CAPN12: variants seen among roughly 807,000 people sequenced by gnomAD.
The protein encoded by CAPN12 is calpain-12.
Under a neutral mutation model 95.0 loss-of-function variants are expected in CAPN12, and 107 were observed. The observed-to-expected ratio is 1.13, with a 90% confidence interval of 0.96 to 1.32. The LOEUF is 1.32. Ranked by LOEUF, CAPN12 falls within the 40% of genes most tolerant of loss-of-function variation. The pLI is 0.00. For synonymous variants in CAPN12, 505 were observed against 415.5 expected, an observed-to-expected ratio of 1.22 and a Z score of -2.62; for missense variants, 1,136 against 997.8, an observed-to-expected ratio of 1.14 and a Z score of -1.87.
Position 38,734,402 on chromosome 19 carries a change from C to T in CAPN12, c.1745-13G>A, listed in dbSNP as rs1208748339. 1.9e-6 allele frequency: 3 copies of T among 1,574,798 alleles called. No homozygotes were observed. The highest frequency in any genetic ancestry group is 2.6e-6 in the Non-Finnish European group (3 of 1,161,458). On this transcript the variant is annotated splice_polypyrimidine_tract_variant and intron_variant, in intron 15 of 20. Transcript: ENST00000328867. ...GTATGGGCCCTGGCTACAGGAAAAACAAAGTCAAACCACAGCACTTCCTGC... is the reference window on the plus strand; with the variant it reads ...GTATGGGCCCTGGCTACAGGAAAAATAAAGTCAAACCACAGCACTTCCTGC...
intron 16 of CAPN12, 33 bp from the exon 17 acceptor site, chr19:38,734,237 T>A: frequency 6.2e-7 from 1 of 1,612,046 alleles, no homozygotes; most frequent in South Asian, 1.1e-5. Flanking sequence ...CTGGTTAAGG[T>A]CAATCTCTCC....
At chr19:38,741,939 C>T (rs1356145942) in intron 3 of CAPN12, 29 bp from the exon 4 acceptor site, 23 of 1,609,076 alleles carry the variant, frequency 1.4e-5, no homozygotes, top group African/African-American at 5.3e-5. Context: ...GGGCCGGACT[C>T]GGCTTCCAAC....
At chr19:38,741,206 CTTAA>C (rs1970524940) in intron 4 of CAPN12, among the ~76,000 whole-genome samples, 1 of 152,026 alleles carries the variant, frequency 6.6e-6, no homozygotes, top group African/African-American at 2.4e-5. Flanking sequence ...TTTCAGGATC[CTTAA>C]GAATTATGAG....
chr19:38,736,836 C>T (rs1185584600), intron 10 of CAPN12: 2 of 587,790 alleles, frequency 3.4e-6, no homozygotes, highest in East Asian at 2.9e-5. Flanking sequence ...TAACCTCGTC[C>T]CTCTGTCTGT....
intron 5 of CAPN12, 37 bp from the exon 6 acceptor site, chr19:38,738,685 G>A (rs1488849840): frequency 1.2e-6 from 2 of 1,602,866 alleles, no homozygotes; most frequent in Admixed American, 3.3e-5. Context: ...CAAGGTAGGG[G>A]ACAGGAGGGC....
At chr19:38,733,058 A>C (rs1969746039) in intron 18 of CAPN12, 1 of 150,884 alleles carries the variant, frequency 6.6e-6, no homozygotes, top group African/African-American at 2.4e-5. Flanking sequence ...ACTAAGTGCT[A>C]TGCCCTGCAG....
Position 38,734,148 on chromosome 19 carries a change from C to G in CAPN12, c.1872G>C (p.Glu624Asp). 6.2e-7 allele frequency: 1 copy of G among 1,612,890 alleles called. No individual in the cohort carries two copies. The part of the protein sequence containing the change: ...HFQQLWGYLL[E>D]WQAIFNKFDE... ...GCCCAGTCTCCCACCTCACCTGCCA[C>G]TCCAGGAGGTAGCCCCAGAGCTGCT... Residue 624 changes from glutamate (E) to aspartate (D), a missense_variant, in exon 17 of 21, where the codon GAG (glutamate) becomes GAC (aspartate). By Grantham distance (45) the Glu-to-Asp change is conservative. Transcript: ENST00000328867.
chr19:38,740,235 T>G lies in CAPN12; in HGVS notation c.561-16A>C, dbSNP rs1355469470. On this transcript the variant is annotated splice_polypyrimidine_tract_variant and intron_variant, in intron 4 of 20. Coordinates refer to ENST00000328867, the MANE Select transcript of CAPN12 (RefSeq NM_144691.4). The stretch of plus-strand genomic sequence containing the variant: ...GCCGTGGAGCCTGTGGGGGCAGATC[T>G]GGGGTGAGGGTTGAGGCAAGTACAA... The G allele has an allele frequency of 6.3e-7, 1 of 1,586,660 alleles. No individual in the cohort carries two copies. Among genetic ancestry groups the G allele is most frequent in the Non-Finnish European group, 8.6e-7 (1 of 1,166,334 alleles).
In CAPN12 at chr19:38,736,331, C is replaced by G. The variant is rs1189888267; in HGVS notation, c.1375-13G>C. On this transcript the variant is annotated splice_polypyrimidine_tract_variant and intron_variant, in intron 11 of 20. Coordinates refer to ENST00000328867, the MANE Select transcript of CAPN12 (RefSeq NM_144691.4). ...AGAGGCCCAGCAGCTGGGGACGGGG[C>G]GGCATGACCACGGACCAGGCTCACC... 8.3e-6 allele frequency: 12 copies of G among 1,448,858 alleles called. No homozygotes were observed. The Admixed American group carries it at 2.1e-4, about 26-fold the overall frequency. 89.8% of individuals were successfully genotyped at this position (1,448,858 alleles called of 1,614,324 possible).
chr19:38,740,282 T>G, intron 4 of CAPN12, 63 bp from the exon 5 acceptor site: 1 of 1,453,892 alleles, frequency 6.9e-7, no homozygotes. Context: ...ACCCCTGCCC[T>G]GGGATCTGCA....
chr19:38,743,045 GAC>G lies in CAPN12; in HGVS notation c.293_294del (p.Cys98SerfsTer6), dbSNP rs1162027545. The G allele has an allele frequency of 4.3e-6, 7 of 1,613,964 alleles. No homozygotes were observed. Among genetic ancestry groups the G allele is most frequent in the Non-Finnish European group, 3.4e-6 (4 of 1,179,944 alleles). On this transcript the variant is annotated frameshift_variant, in exon 2 of 21. Coordinates refer to ENST00000328867, the MANE Select transcript of CAPN12 (RefSeq NM_144691.4). LOFTEE classifies it high-confidence loss of function. ...TTCAGGGTCTCACCCAGGCTCCCCT[GAC>G]ACACGTCTGTGCGGCTCATGTCTTC... ...ICEDMSRTDVCQGSLGNCWFL... is the reference protein window; with the variant it reads ...ICEDMSRTDVXQGSLGNCWFL...
At chr19:38,733,579 C>T in intron 18 of CAPN12, 124 bp downstream of exon 18, 3 of 840,992 alleles carry the variant, frequency 3.6e-6, no homozygotes, top group Non-Finnish European at 5.7e-6. Context: ...TGGCAACAAG[C>T]TAAGGTGTGG....
At position 38,736,169 on chromosome 19, in the gene CAPN12, G is replaced by A. The variant is rs1447832377; in HGVS notation, c.1524C>T (p.His508=). 4.6e-6 allele frequency: 7 copies of A among 1,513,522 alleles called. No homozygotes were observed. Among genetic ancestry groups the A allele is most frequent in the Middle Eastern group, 1.9e-4 (1 of 5,384 alleles). The allele number at this position is 1,513,522 out of a possible 1,614,324, so 93.8% of individuals were successfully genotyped here. ...GAGTGAAGTCAGCCTCGTCGCCGGC[G>A]TGGGCGGTGCTCGGCACCACCAGGT... The part of the protein sequence containing the change: ...GHYLVVPSTA[H]AGDEADFTLR... Residue 508 remains histidine, a synonymous_variant, in exon 12 of 21, where the codon CAC becomes CAT. Coordinates refer to ENST00000328867, the MANE Select transcript of CAPN12 (RefSeq NM_144691.4).
In CAPN12 at chr19:38,735,619, G is replaced by A. The variant is rs1262594733; in HGVS notation, c.1584-75C>T. Reference sequence around the variant, plus strand: ...GGCTGTGTGGGACGGGGTCTCAGGTGAGGAATCGCGTGGGGTCTAGGTAGG... The same window carrying A: ...GGCTGTGTGGGACGGGGTCTCAGGTAAGGAATCGCGTGGGGTCTAGGTAGG... On this transcript the variant is annotated intron_variant, in intron 12 of 20. Transcript: ENST00000328867. 7 of 1,488,134 alleles carry A rather than the reference G, an allele frequency of 4.7e-6. No homozygotes were observed. In the East Asian group the frequency reaches 7.3e-5, roughly 15 times the overall value. 92.2% of individuals were successfully genotyped at this position (1,488,134 alleles called of 1,614,324 possible).
intron 17 of CAPN12, 144 bp downstream of exon 17, chr19:38,733,998 A>G: frequency 1.1e-6 from 1 of 891,192 alleles, no homozygotes; most frequent in Non-Finnish European, 1.7e-6. Context: ...GGGTGGGGGC[A>G]GGGATATCCC....
At chr19:38,732,947 TGG>T (rs1448524964) in intron 18 of CAPN12, among the ~76,000 whole-genome samples, 24 of 152,336 alleles carry the variant, frequency 1.6e-4, no homozygotes, top group African/African-American at 5.8e-4. Context: ...GATGTTGTGC[TGG>T]GCTTGTTCCA....
In CAPN12 at chr19:38,730,613, TTAAGC is replaced by T. The variant is rs1007994674; in HGVS notation, c.*234_*238del. Reference sequence around the variant, plus strand: ...GAGCCAGGGCAGAGCTAGCACTGTCTTAAGCTGTCAACGTGGACTAGCTCGTGTCA... The same window carrying T: ...GAGCCAGGGCAGAGCTAGCACTGTCTTGTCAACGTGGACTAGCTCGTGTCA... On this transcript the variant is annotated 3_prime_UTR_variant, in exon 21 of 21. Transcript: ENST00000328867. The T allele has an allele frequency of 2.1e-4, 128 of 603,860 alleles. No individual in the cohort carries two copies. Among genetic ancestry groups the T allele is most frequent in the African/African-American group, 1.9e-3 (105 of 54,286 alleles). 37.4% of individuals were successfully genotyped at this position (603,860 alleles called of 1,614,324 possible). A position where few individuals can be genotyped will look rare whatever the true frequency, so the allele number is the denominator to read the frequency against.
In CAPN12 at chr19:38,731,092, C is replaced by T. The variant is rs200491899; in HGVS notation, c.2074+15G>A. The T allele has an allele frequency of 3.7e-5, 59 of 1,603,382 alleles. No individual in the cohort carries two copies. The highest frequency in any genetic ancestry group is 1.7e-4 in the African/African-American group (13 of 74,846). On this transcript the variant is annotated intron_variant, in intron 19 of 20. Transcript: ENST00000328867. ...CCCTTCCCCCCATGCCCCACCATGCCGGGGTGGTACTCACAGAAGATGCAG... is the reference window on the plus strand; with the variant it reads ...CCCTTCCCCCCATGCCCCACCATGCTGGGGTGGTACTCACAGAAGATGCAG...
chr19:38,731,013 G>A lies in CAPN12; in HGVS notation c.2085C>T (p.Ser695=). 1 of 1,553,226 alleles carries A rather than the reference G, an allele frequency of 6.4e-7. No individual in the cohort carries two copies. Among genetic ancestry groups the A allele is most frequent in the Non-Finnish European group, 8.7e-7 (1 of 1,148,556 alleles). Residue 695 remains serine, a synonymous_variant, in exon 20 of 21, where the codon AGC becomes AGT. Coordinates refer to ENST00000328867, the MANE Select transcript of CAPN12 (RefSeq NM_144691.4). ...AHLTCIFCHC[S]QHLDGGEGVI... ...CCCCCTCACCCCCATCCAGGTGCTG[G>A]CTGCAGTGGCCTGTGCAGAGAGGGG...
Sources: gnomAD v4.1 joint callset for allele counts (sites outside exome capture counted in the v4.1 genomes callset) on GRCh38, gnomAD v4.1.1 for gene constraint, MANE v1.5 for transcripts, NCBI Gene and HGNC (gene_info 2026-07-23, HGNC 2026-07-21) for gene names.